Variants in NCAM2 observed in about 807,000 individuals in gnomAD.
NCAM2 encodes N-CAM-2.
In NCAM2, 30 loss-of-function variants were observed where a neutral mutation model predicts 98.1. That is an observed-to-expected ratio of 0.31 (90% confidence interval 0.23 to 0.41). The LOEUF is 0.41. Among genes scored for constraint, NCAM2 ranks in the 10% least tolerant of loss-of-function variants. The pLI is 1.00. For synonymous variants in NCAM2, 368 were observed against 342.4 expected, an observed-to-expected ratio of 1.07 and a Z score of -0.83; for missense variants, 867 against 1,005.8, an observed-to-expected ratio of 0.86 and a Z score of 1.87.
chr21:21,449,896 A>G (rs979779606), intron 12 of NCAM2, among the ~76,000 whole-genome samples: 12 of 152,180 alleles, frequency 7.9e-5, no homozygotes, highest in African/African-American at 1.2e-4. Flanking sequence ...TGTATAGATT[A>G]TGGAGATAAT....
chr21:21,087,426 T>G (rs79049975), intron 1 of NCAM2, among the ~76,000 whole-genome samples: 6,609 of 152,224 alleles, frequency 0.043, 173 homozygotes, highest in Non-Finnish European at 0.047. Context: ...TGCTCCCCTC[T>G]TCAGAGCACA....
intron 15 of NCAM2, among the ~76,000 whole-genome samples, chr21:21,493,345 G>A (rs993705328): frequency 2.6e-5 from 4 of 151,790 alleles, no homozygotes; most frequent in African/African-American, 9.7e-5. Context: ...TTCCATGCAG[G>A]TAATAGAGAT....
intron 8 of NCAM2, 128 bp downstream of exon 8, chr21:21,338,662 TA>T: frequency 2.0e-6 from 2 of 989,070 alleles, no homozygotes; most frequent in Non-Finnish European, 2.9e-6. Context: ...GTTTGATTTT[TA>T]AAAAGGTAAC....
At chr21:21,345,696 T>G (rs1425532616) in intron 8 of NCAM2, among the ~76,000 whole-genome samples, 2 of 151,938 alleles carry the variant, frequency 1.3e-5, no homozygotes, top group African/African-American at 2.4e-5. Flanking sequence ...GTGTAGAAAG[T>G]TTATGCAAAG....
chr21:21,452,449 G>A (rs1251520100), intron 12 of NCAM2, among the ~76,000 whole-genome samples: 2 of 139,704 alleles, frequency 1.4e-5, no homozygotes, highest in Non-Finnish European at 3.0e-5. Flanking sequence ...TACATTGTCG[G>A]GGGGGAAGAT....
chr21:21,410,296 C>T lies in NCAM2; in HGVS notation c.1218C>T (p.Asn406=), dbSNP rs369013380. ...CAGATGCCCCCAAGTTTATATCAAACCAAACAATTTATTACTCTTGGGAAG... is the reference window on the plus strand; with the variant it reads ...CAGATGCCCCCAAGTTTATATCAAATCAAACAATTTATTACTCTTGGGAAG... ...DIEYAPKFIS[N]QTIYYSWEGN... The change falls in exon 10 of 18, where the codon AAC becomes AAT. Residue 406 remains asparagine (N), a synonymous_variant. Transcript: ENST00000400546. 2.6e-6 allele frequency: 4 copies of T among 1,565,392 alleles called. No individual in the cohort carries two copies. Among genetic ancestry groups the T allele is most frequent in the Non-Finnish European group, 3.5e-6 (4 of 1,156,360 alleles).
chr21:21,310,647 T>G (rs553797154), intron 5 of NCAM2, among the ~76,000 whole-genome samples: 1 of 152,304 alleles, frequency 6.6e-6, no homozygotes, highest in African/African-American at 2.4e-5. Context: ...TTTTTAACTA[T>G]CAATATGATT....
At chr21:21,138,037 A>G (rs973796087) in intron 1 of NCAM2, among the ~76,000 whole-genome samples, 1 of 152,144 alleles carries the variant, frequency 6.6e-6, no homozygotes, top group Non-Finnish European at 1.5e-5. Context: ...TCTAGCATTT[A>G]TATCTGAGGA....
intron 14 of NCAM2, among the ~76,000 whole-genome samples, chr21:21,472,315 T>C: frequency 6.6e-6 from 1 of 152,034 alleles, no homozygotes; most frequent in African/African-American, 2.4e-5. Context: ...ACTATCTCAA[T>C]GGCCATAGGA....
At chr21:21,058,715 G>A (rs2065263304) in intron 1 of NCAM2, among the ~76,000 whole-genome samples, 1 of 150,612 alleles carries the variant, frequency 6.6e-6, no homozygotes, top group Non-Finnish European at 1.5e-5. Flanking sequence ...GACCCATTGA[G>A]TCATGTAGAA....
chr21:21,120,546 T>A (rs926820255), intron 1 of NCAM2, among the ~76,000 whole-genome samples: 4 of 152,118 alleles, frequency 2.6e-5, no homozygotes, highest in African/African-American at 9.7e-5. Context: ...AGCCTGCGTG[T>A]TCACAGGCGG....
intron 5 of NCAM2, among the ~76,000 whole-genome samples, chr21:21,319,717 A>AT (rs2074324408): frequency 1.4e-5 from 2 of 140,460 alleles, no homozygotes; most frequent in Non-Finnish European, 3.2e-5. Context: ...TTTTTTTTTT[A>AT]TTTTTGATCT....
At chr21:21,036,463 G>T (rs1389189952) in intron 1 of NCAM2, among the ~76,000 whole-genome samples, 1 of 152,066 alleles carries the variant, frequency 6.6e-6, no homozygotes, top group Non-Finnish European at 1.5e-5. Flanking sequence ...CTGAAACTTT[G>T]ATAATTTCTG....
At chr21:21,012,434 T>G (rs182661760) in intron 1 of NCAM2, among the ~76,000 whole-genome samples, 159 of 152,272 alleles carry the variant, frequency 1.0e-3, no homozygotes, top group Non-Finnish European at 1.9e-3. Flanking sequence ...TACATCAGTT[T>G]AGGATGCTTT....
chr21:21,090,288 AT>A (rs1297701898), intron 1 of NCAM2, among the ~76,000 whole-genome samples: 1 of 152,192 alleles, frequency 6.6e-6, no homozygotes, highest in Non-Finnish European at 1.5e-5. Context: ...GAAGGTCTTA[AT>A]TTTAAAAACA....
chr21:21,508,863 A>G lies in NCAM2; in HGVS notation c.2090A>G (p.Asn697Ser), dbSNP rs1988174158. 5.4e-6 allele frequency: 4 copies of G among 738,986 alleles called. No individual in the cohort carries two copies. Among genetic ancestry groups the G allele is most frequent in the Non-Finnish European group, 8.2e-6 (4 of 490,210 alleles). 45.8% of individuals were successfully genotyped at this position (738,986 alleles called of 1,614,324 possible). Residue 697 changes from asparagine (N) to serine (S), a missense_variant, in exon 16 of 18, where the codon AAT becomes AGT. Asn to Ser is a conservative substitution (Grantham distance 46). Around this residue, in one of 5 missense-constraint regions of NCAM2, gnomAD observed 234 missense variants for 333.8 expected, o/e 0.70. Coordinates refer to ENST00000400546, the MANE Select transcript of NCAM2 (RefSeq NM_004540.5). ...KPNIIKDTLF[N>S]GLGLGAVIGL... ...TTTACTTTTTAAGACACGCTGTTTAATGGTCTTGGGCTTGGAGCAGTAATT... is the reference window on the plus strand; with the variant it reads ...TTTACTTTTTAAGACACGCTGTTTAGTGGTCTTGGGCTTGGAGCAGTAATT...
intron 1 of NCAM2, among the ~76,000 whole-genome samples, chr21:21,143,629 T>C (rs1442804216): frequency 1.3e-5 from 2 of 152,158 alleles, no homozygotes; most frequent in Non-Finnish European, 2.9e-5. Context: ...ATTTTATCTT[T>C]TTAATATTGT....
At chr21:21,020,661 G>A (rs2064415125) in intron 1 of NCAM2, among the ~76,000 whole-genome samples, 1 of 152,216 alleles carries the variant, frequency 6.6e-6, no homozygotes, top group Admixed American at 6.5e-5. Context: ...GGCTGGTGGA[G>A]TTCCTCCCAT....
rs935721886 is a variant in NCAM2, at chr21:21,385,430, G to T, written c.1195+11417G>T. ...CACACATACACACACACAATTACCAGAACAGTCTTATACCACCTGAACCAA... is the reference window on the plus strand; with the variant it reads ...CACACATACACACACACAATTACCATAACAGTCTTATACCACCTGAACCAA... On this transcript the variant is annotated intron_variant, in intron 9 of 17. Coordinates refer to ENST00000400546, the MANE Select transcript of NCAM2 (RefSeq NM_004540.5). 6.4e-5 allele frequency among the ~76,000 whole-genome samples: 9 copies of T among 139,670 alleles called. No individual in the cohort carries two copies. The Admixed American group carries it at 6.5e-4, about 10-fold the overall frequency. The allele number at this position is 139,670 out of a possible 152,430, so 91.6% of individuals were successfully genotyped here.
Sources: allele counts gnomAD v4.1 joint callset (sites outside exome capture counted in the v4.1 genomes callset), GRCh38; gene constraint gnomAD v4.1.1; regional missense constraint gnomAD v4.1.1; transcripts MANE v1.5; gene names NCBI Gene and HGNC (gene_info 2026-07-23, HGNC 2026-07-21).